Variants in LAPTM4B observed in about 807,000 individuals in gnomAD.
LAPTM4B encodes the protein lysosomal protein transmembrane 4 beta.
In LAPTM4B, 26 loss-of-function variants were observed where a neutral mutation model predicts 28.5. The ratio of observed to expected loss-of-function variants is 0.91; its 90% CI spans 0.67 to 1.27. The LOEUF is 1.27. LAPTM4B is among the 50% of genes most tolerant of loss of function. The pLI is 0.00. For missense variants in LAPTM4B, 288 were observed against 285.8 expected (o/e 1.01, Z -0.06); for synonymous variants, 109 against 106.4 (o/e 1.02, Z -0.15).
intron 1 of LAPTM4B, among the ~76,000 whole-genome samples, chr8:97,785,240 C>T (rs1816382966): frequency 6.6e-6 from 1 of 152,092 alleles, no homozygotes; most frequent in African/African-American, 2.4e-5. Flanking sequence ...CGCAGGCCAC[C>T]ACGCCTGGCT....
intron 3 of LAPTM4B, 42 bp downstream of exon 3, chr8:97,815,443 C>T: frequency 1.5e-6 from 2 of 1,366,368 alleles, no homozygotes; most frequent in South Asian, 2.3e-5. Flanking sequence ...TCCTTGGTCT[C>T]TTACATGTGT....
intron 5 of LAPTM4B, among the ~76,000 whole-genome samples, chr8:97,823,058 G>T (rs995307463): frequency 6.6e-6 from 1 of 151,992 alleles, no homozygotes; most frequent in Non-Finnish European, 1.5e-5. Context: ...AGCCAGGGTG[G>T]TCTCTATCTC....
chr8:97,841,160 A>AGGTGCTCCTCACTTCCCAGACAGTTG, intron 6 of LAPTM4B, among the ~76,000 whole-genome samples: 1 of 152,252 alleles, frequency 6.6e-6, no homozygotes, highest in African/African-American at 2.4e-5. Flanking sequence ...GGCTGGGCAG[A>AGGTGCTCCTCACTTCCCAGACAGTTG]GGCGCTCCTC....
chr8:97,808,994 CTATT>C (rs1485003955), intron 2 of LAPTM4B, among the ~76,000 whole-genome samples: 4 of 151,848 alleles, frequency 2.6e-5, no homozygotes, highest in South Asian at 2.1e-4. Context: ...TAATTACAAA[CTATT>C]CATTCAGTCC....
At chr8:97,843,506 A>AGT (rs1817382574) in intron 6 of LAPTM4B, among the ~76,000 whole-genome samples, 1 of 152,196 alleles carries the variant, frequency 6.6e-6, no homozygotes, top group Non-Finnish European at 1.5e-5. Context: ...GGCCAGGCAC[A>AGT]GTGGCTCACA....
At chr8:97,790,995 T>A (rs1407304152) in intron 1 of LAPTM4B, among the ~76,000 whole-genome samples, 1 of 152,056 alleles carries the variant, frequency 6.6e-6, no homozygotes, top group African/African-American at 2.4e-5. Flanking sequence ...ACCTCGGACC[T>A]TTCAGCTCAA....
intron 1 of LAPTM4B, among the ~76,000 whole-genome samples, chr8:97,804,663 AT>A (rs1342142758): frequency 6.6e-6 from 1 of 152,236 alleles, no homozygotes; most frequent in African/African-American, 2.4e-5. Context: ...TTAATTATTA[AT>A]AGCGAGGCCA....
At chr8:97,798,401 A>G (rs1672281616) in intron 1 of LAPTM4B, among the ~76,000 whole-genome samples, 1 of 152,120 alleles carries the variant, frequency 6.6e-6, no homozygotes, top group Non-Finnish European at 1.5e-5. Context: ...TGGTTCACAG[A>G]CCTTCTTATA....
chr8:97,814,296 AG>A (rs1350956997), intron 2 of LAPTM4B, among the ~76,000 whole-genome samples: 7 of 152,160 alleles, frequency 4.6e-5, no homozygotes, highest in Non-Finnish European at 1.5e-5. Flanking sequence ...GATCATTTGA[AG>A]TCAGGAGTTC....
At chr8:97,840,153 C>T (rs1410023093) in intron 6 of LAPTM4B, among the ~76,000 whole-genome samples, 2 of 152,212 alleles carry the variant, frequency 1.3e-5, no homozygotes, top group Non-Finnish European at 2.9e-5. Context: ...GAGGTGATAG[C>T]ACACTGCTTA....
chr8:97,833,310 G>A (rs987613859), intron 6 of LAPTM4B, among the ~76,000 whole-genome samples: 2 of 152,054 alleles, frequency 1.3e-5, no homozygotes, highest in Non-Finnish European at 2.9e-5. Flanking sequence ...CTGAGATTGC[G>A]CCATTGCATT....
chr8:97,776,617 G>A (rs1487443100), intron 1 of LAPTM4B, among the ~76,000 whole-genome samples: 1 of 152,174 alleles, frequency 6.6e-6, no homozygotes. Context: ...GGTGGCCTGC[G>A]CTTTCACGCC....
intron 1 of LAPTM4B, among the ~76,000 whole-genome samples, chr8:97,800,449 A>T (rs575214124): frequency 3.4e-5 from 5 of 145,064 alleles, no homozygotes; most frequent in Admixed American, 1.4e-4. Context: ...TGGCCAGATG[A>T]CATTCTTCCC....
intron 6 of LAPTM4B, among the ~76,000 whole-genome samples, chr8:97,840,764 G>T (rs1363995507): frequency 6.6e-6 from 1 of 152,104 alleles, no homozygotes; most frequent in East Asian, 1.9e-4. Context: ...CAGCGGCCGG[G>T]CAGAGGTGCT....
At chr8:97,826,480 A>T (rs1247900745) in intron 6 of LAPTM4B, among the ~76,000 whole-genome samples, 3 of 152,066 alleles carry the variant, frequency 2.0e-5, no homozygotes, top group African/African-American at 7.2e-5. Flanking sequence ...TGGCTTAAGA[A>T]TTTTTTTCCT....
chr8:97,787,425 A>G (rs1193104613), intron 1 of LAPTM4B, among the ~76,000 whole-genome samples: 1 of 151,718 alleles, frequency 6.6e-6, no homozygotes, highest in Non-Finnish European at 1.5e-5. Context: ...AGCTGGGACT[A>G]CAGGCACCCG....
chr8:97,848,636 GTGGCA>G (rs1451116292), intron 6 of LAPTM4B, among the ~76,000 whole-genome samples: 4 of 152,196 alleles, frequency 2.6e-5, no homozygotes, highest in Admixed American at 2.6e-4. Flanking sequence ...CCTGGGCAAC[GTGGCA>G]AGACCCCATC....
intron 1 of LAPTM4B, among the ~76,000 whole-genome samples, chr8:97,777,821 G>T (rs1327969337): frequency 6.6e-6 from 1 of 152,200 alleles, no homozygotes; most frequent in Non-Finnish European, 1.5e-5. Context: ...ATAGCAAAAG[G>T]ATAGTAGGTG....
chr8:97,834,736 A>T (rs776215073), intron 6 of LAPTM4B, among the ~76,000 whole-genome samples: 4 of 151,980 alleles, frequency 2.6e-5, no homozygotes, highest in Non-Finnish European at 4.4e-5. Flanking sequence ...GTAGTCTTTG[A>T]TTGCTTTCTT....
Sources: gnomAD v4.1 joint callset for allele counts (sites outside exome capture counted in the v4.1 genomes callset) on GRCh38, gnomAD v4.1.1 for gene constraint, MANE v1.5 for transcripts, NCBI Gene and HGNC (gene_info 2026-07-23, HGNC 2026-07-21) for gene names.